VPS13B: variants seen among roughly 807,000 people sequenced by gnomAD.
VPS13B encodes vacuolar protein sorting 13 homolog B, also known as intermembrane lipid transfer protein VPS13B.
VPS13B carries 285 observed loss-of-function variants against 426.4 expected under a neutral mutation model. The ratio of observed to expected loss-of-function variants is 0.67; its 90% CI spans 0.61 to 0.74. VPS13B has a LOEUF of 0.74. Among genes scored for constraint, VPS13B ranks in the 30% least tolerant of loss-of-function variants. The pLI, the probability that VPS13B is intolerant of heterozygous loss-of-function variation, is 0.00. For missense variants in VPS13B, 4,537 were observed against 4,782.6 expected, an observed-to-expected ratio of 0.95 and a Z score of 1.51; for synonymous variants, 1,676 against 1,676.4, an observed-to-expected ratio of 1.00 and a Z score of 0.01.
chr8:99,584,903 AGACAAT>A (rs1187709284), intron 33 of VPS13B, among the ~76,000 whole-genome samples: 1 of 152,218 alleles, frequency 6.6e-6, no homozygotes, highest in African/African-American at 2.4e-5. Context: ...TAGGGAAGAC[AGACAAT>A]AATAAATATT....
chr8:99,834,349 C>G (rs1279805352), intron 52 of VPS13B, among the ~76,000 whole-genome samples: 1 of 152,154 alleles, frequency 6.6e-6, no homozygotes, highest in Non-Finnish European at 1.5e-5. Context: ...AACCTTTACT[C>G]ACACAGCTGG....
intron 8 of VPS13B, among the ~76,000 whole-genome samples, chr8:99,122,845 G>T (rs1470296019): frequency 1.3e-5 from 2 of 152,076 alleles, no homozygotes; most frequent in Admixed American, 6.5e-5. Context: ...AGACGTGGTG[G>T]CTCACGCCTG....
At chr8:99,082,933 T>C (rs1163797018) in intron 3 of VPS13B, among the ~76,000 whole-genome samples, 1 of 152,208 alleles carries the variant, frequency 6.6e-6, no homozygotes, top group Admixed American at 6.5e-5. Flanking sequence ...TAGGATTGAC[T>C]TGGCAATGCG....
At chr8:99,590,667 G>C (rs1431802806) in intron 33 of VPS13B, among the ~76,000 whole-genome samples, 1 of 152,128 alleles carries the variant, frequency 6.6e-6, no homozygotes, top group African/African-American at 2.4e-5. Context: ...TCTTAATCCT[G>C]AGTTCTAATT....
intron 19 of VPS13B, among the ~76,000 whole-genome samples, chr8:99,279,759 C>T (rs1469498750): frequency 6.6e-6 from 1 of 151,770 alleles, no homozygotes; most frequent in Non-Finnish European, 1.5e-5. Context: ...AGAATTTAGG[C>T]CATCATTTCA....
intron 34 of VPS13B, among the ~76,000 whole-genome samples, chr8:99,657,578 GCTCTT>G (rs1459422057): frequency 1.3e-5 from 2 of 151,148 alleles, no homozygotes; most frequent in East Asian, 3.9e-4. Context: ...ATATTTTTAA[GCTCTT>G]CTCTTTTAGT....
intron 33 of VPS13B, among the ~76,000 whole-genome samples, chr8:99,625,198 T>C (rs887159876): frequency 3.3e-5 from 5 of 152,140 alleles, no homozygotes; most frequent in African/African-American, 1.2e-4. Flanking sequence ...AGGGTAACTA[T>C]GTATATTATC....
At chr8:99,817,458 G>A in intron 44 of VPS13B, 82 bp from the exon 45 acceptor site, 1 of 1,537,266 alleles carries the variant, frequency 6.5e-7, no homozygotes, top group Middle Eastern at 1.7e-4. Flanking sequence ...CATCAACATA[G>A]TTTACTCTGT....
intron 3 of VPS13B, among the ~76,000 whole-genome samples, chr8:99,042,561 A>G (rs1587952734): frequency 6.6e-6 from 1 of 152,316 alleles, no homozygotes; most frequent in East Asian, 1.9e-4. Context: ...TATATGTAGT[A>G]TTTTAAATTC....
At chr8:99,408,286 C>T (rs1347432165) in intron 21 of VPS13B, among the ~76,000 whole-genome samples, 10 of 151,948 alleles carry the variant, frequency 6.6e-5, no homozygotes, top group Admixed American at 2.0e-4. Flanking sequence ...GGAGATAAGC[C>T]GGGTGCCATA....
rs778967880 is a variant in VPS13B, at chr8:99,147,987, C to G, written c.1990C>G (p.Leu664Val). 1.2e-6 allele frequency: 2 copies of G among 1,612,152 alleles called. No individual in the cohort carries two copies. Among genetic ancestry groups the G allele is most frequent in the South Asian group, 2.2e-5 (2 of 91,044 alleles). Residue 664 changes from leucine to valine, a missense_variant, in exon 14 of 62, where the codon CTA (leucine) becomes GTA (valine). Coordinates refer to ENST00000357162, the MANE Select transcript of VPS13B (RefSeq NM_152564.5). ...MAEFNLLDHL[L>V]PVIMGEKNSS... is the part of the protein sequence containing the mutation. The stretch of plus-strand genomic sequence containing the variant: ...TGAATTCAACTTGCTGGACCATTTA[C>G]TACCTGTCATTATGGGAGAAAAGGT...
intron 34 of VPS13B, among the ~76,000 whole-genome samples, chr8:99,651,017 TA>T (rs1829794359): frequency 6.6e-6 from 1 of 152,158 alleles, no homozygotes; most frequent in Non-Finnish European, 1.5e-5. Context: ...AGGATATAAA[TA>T]GGCTATAATG....
At chr8:99,545,803 T>G (rs1823939735) in intron 30 of VPS13B, among the ~76,000 whole-genome samples, 2 of 152,092 alleles carry the variant, frequency 1.3e-5, no homozygotes, top group South Asian at 4.1e-4. Flanking sequence ...AACTAATGGA[T>G]GGTACCTAGT....
rs1396217310 is a variant in VPS13B, at chr8:99,156,763, T to C, written c.2208+20T>C. 6.2e-6 allele frequency: 10 copies of C among 1,613,528 alleles called. No individual in the cohort carries two copies. Among genetic ancestry groups the C allele is most frequent in the Non-Finnish European group, 8.5e-6 (10 of 1,179,552 alleles). On this transcript the variant is annotated intron_variant, in intron 15 of 61. Transcript: ENST00000357162. ...CTTAAGGTATGAAAAGTGAATTTTC[T>C]TGTTTGTTAGCATGGGTTTGGCTTT... is the stretch of plus-strand genomic sequence containing the variant.
chr8:99,076,420 A>T (rs962676524), intron 3 of VPS13B, among the ~76,000 whole-genome samples: 1 of 152,154 alleles, frequency 6.6e-6, no homozygotes, highest in Admixed American at 6.5e-5. Flanking sequence ...TTGATTTTCC[A>T]TGTGGATGAT....
chr8:99,245,433 G>A (rs905238607), intron 17 of VPS13B, among the ~76,000 whole-genome samples: 4 of 152,114 alleles, frequency 2.6e-5, no homozygotes, highest in Admixed American at 6.5e-5. Flanking sequence ...GATTTGAACC[G>A]CTAAGAACTC....
chr8:99,228,892 T>A (rs1421713276), intron 17 of VPS13B, among the ~76,000 whole-genome samples: 1 of 152,120 alleles, frequency 6.6e-6, no homozygotes, highest in Non-Finnish European at 1.5e-5. Flanking sequence ...AGAGTTGACA[T>A]TTTCAGGTTA....
chr8:99,461,552 G>A (rs187763510), intron 23 of VPS13B, among the ~76,000 whole-genome samples: 10 of 151,598 alleles, frequency 6.6e-5, no homozygotes, highest in Non-Finnish European at 1.3e-4. Context: ...TTTTTTTACC[G>A]ATTTCTTTAA....
intron 28 of VPS13B, 140 bp downstream of exon 28, chr8:99,507,343 A>G: frequency 2.2e-6 from 2 of 909,358 alleles, no homozygotes; most frequent in Non-Finnish European, 3.4e-6. Context: ...AAAATTACAT[A>G]TAAATTTAAA....
Sources: gnomAD v4.1 joint callset for allele counts (sites outside exome capture counted in the v4.1 genomes callset) on GRCh38, gnomAD v4.1.1 for gene constraint, MANE v1.5 for transcripts, NCBI Gene and HGNC (gene_info 2026-07-23, HGNC 2026-07-21) for gene names.